ZBBX: variants seen among roughly 807,000 people sequenced by gnomAD.
ZBBX encodes the protein zinc finger B-box domain containing.
ZBBX carries 101 observed loss-of-function variants against 108.5 expected under a neutral mutation model. That is an observed-to-expected ratio of 0.93 (90% CI 0.79 to 1.10). The LOEUF is 1.10. ZBBX is among the 50% of genes least tolerant of loss of function. The pLI is 0.00. For missense variants in ZBBX, 1,009 were observed against 941.4 expected, an observed-to-expected ratio of 1.07 and a Z score of -0.94; for synonymous variants, 356 against 323.4, an observed-to-expected ratio of 1.10 and a Z score of -1.08.
chr3:167,306,697 C>A (rs1733708728), intron 16 of ZBBX, among the ~76,000 whole-genome samples: 1 of 152,118 alleles, frequency 6.6e-6, no homozygotes, highest in Admixed American at 6.5e-5. Context: ...TAGTGGGTAA[C>A]ACAGTAGTGA....
chr3:167,335,199 T>C (rs1295279508), intron 9 of ZBBX, among the ~76,000 whole-genome samples: 2 of 152,178 alleles, frequency 1.3e-5, no homozygotes, highest in African/African-American at 4.8e-5. Context: ...TATATTTTAA[T>C]GATTTTATGG....
chr3:167,226,082 TAA>T, the ZBBX span, among the ~76,000 whole-genome samples: 6 of 132,830 alleles, frequency 4.5e-5, no homozygotes, highest in Admixed American at 7.6e-5. Flanking sequence ...TGACTGTGAT[TAA>T]AAAAAAAAAA....
chr3:167,263,354 G>T lies in ZBBX; in HGVS notation c.2254+18884C>A, dbSNP rs190564287. On this transcript the variant is annotated intron_variant, in intron 20 of 21. Coordinates refer to ENST00000675490, the MANE Select transcript of ZBBX (RefSeq NM_001199201.2). ...TATTTTGTTTTTGTTTTTATTTCAT[G>T]TAGGCACATATTGCTACAATTTCTC... Among the ~76,000 whole-genome samples the T allele has an allele frequency of 6.1e-3, 934 of 152,244 alleles. 6 individuals carry two copies. Among genetic ancestry groups the T allele is most frequent in the African/African-American group, 0.022 (906 of 41,542 alleles).
intron 2 of ZBBX, among the ~76,000 whole-genome samples, chr3:167,375,363 G>A (rs1452644766): frequency 6.6e-6 from 1 of 152,056 alleles, no homozygotes; most frequent in Admixed American, 6.6e-5. Flanking sequence ...AGGCCAAGGT[G>A]GGCAGATGAC....
chr3:167,223,696 A>G, the ZBBX span, among the ~76,000 whole-genome samples: 91 of 152,072 alleles, frequency 6.0e-4, no homozygotes, highest in African/African-American at 2.0e-3. Flanking sequence ...CAACTTGGAA[A>G]TTCAGGCAAA....
intron 1 of ZBBX, among the ~76,000 whole-genome samples, chr3:167,387,644 G>A (rs182146811): frequency 2.0e-5 from 3 of 152,014 alleles, no homozygotes; most frequent in Non-Finnish European, 4.4e-5. Context: ...CGTGGAGAAA[G>A]AGAGAAGAGG....
At position 167,275,606 on chromosome 3, in the gene ZBBX, C is replaced by T. The variant is rs144703312; in HGVS notation, c.2254+6632G>A. 4.7e-3 allele frequency among the ~76,000 whole-genome samples: 714 copies of T among 152,298 alleles called. 8 individuals are homozygous for T. Among genetic ancestry groups the T allele is most frequent in the African/African-American group, 0.016 (680 of 41,574 alleles). On this transcript the variant is annotated intron_variant, in intron 20 of 21. Coordinates refer to ENST00000675490, the MANE Select transcript of ZBBX (RefSeq NM_001199201.2). ...AACGGCGCACCAGGAGATTATATCCCGCACATGGCTCGGAGGGTCCTACAC... is the reference window on the plus strand; with the variant it reads ...AACGGCGCACCAGGAGATTATATCCTGCACATGGCTCGGAGGGTCCTACAC...
chr3:167,275,416 G>A (rs1315136397), intron 20 of ZBBX, among the ~76,000 whole-genome samples: 2 of 152,144 alleles, frequency 1.3e-5, no homozygotes, highest in Non-Finnish European at 1.5e-5. Flanking sequence ...AGGTCAGTGG[G>A]TGCGCGCACT....
At chr3:167,356,865 G>A (rs1743663642) in intron 8 of ZBBX, among the ~76,000 whole-genome samples, 1 of 152,102 alleles carries the variant, frequency 6.6e-6, no homozygotes, top group Non-Finnish European at 1.5e-5. Flanking sequence ...ACTGGAGAGT[G>A]CAACTCAGCT....
chr3:167,185,710 T>C, the ZBBX span, among the ~76,000 whole-genome samples: 1 of 152,122 alleles, frequency 6.6e-6, no homozygotes, highest in East Asian at 1.9e-4. Flanking sequence ...GTTACATTTT[T>C]TCATTTTTCC....
At chr3:167,273,431 G>GCT (rs903242845) in intron 20 of ZBBX, among the ~76,000 whole-genome samples, 3 of 152,090 alleles carry the variant, frequency 2.0e-5, no homozygotes, top group African/African-American at 7.2e-5. Flanking sequence ...ATTGTGGCAA[G>GCT]CTCTCTCTCT....
At chr3:167,265,210 C>T (rs1231697073) in intron 20 of ZBBX, among the ~76,000 whole-genome samples, 1 of 152,202 alleles carries the variant, frequency 6.6e-6, no homozygotes, top group Non-Finnish European at 1.5e-5. Context: ...GAAGCCAGCA[C>T]ATCTTAGAGT....
At chr3:167,230,411 T>C in the ZBBX span, among the ~76,000 whole-genome samples, 72 of 151,786 alleles carry the variant, frequency 4.7e-4, no homozygotes, top group Middle Eastern at 6.8e-3. Flanking sequence ...AAGGCACTAG[T>C]AAAAAGGTGA....
the ZBBX span, among the ~76,000 whole-genome samples, chr3:167,219,512 A>C: frequency 6.6e-6 from 1 of 152,036 alleles, no homozygotes; most frequent in Non-Finnish European, 1.5e-5. Context: ...AAATTAAATG[A>C]TATGTTCCTT....
At chr3:167,244,424 G>A (rs1002591827) in intron 20 of ZBBX, among the ~76,000 whole-genome samples, 12 of 152,180 alleles carry the variant, frequency 7.9e-5, no homozygotes, top group Non-Finnish European at 1.5e-4. Context: ...ACCAGCAGGT[G>A]AGATATCCAA....
intron 20 of ZBBX, among the ~76,000 whole-genome samples, chr3:167,276,256 G>A (rs966692239): frequency 2.6e-5 from 4 of 152,224 alleles, no homozygotes; most frequent in Non-Finnish European, 5.9e-5. Context: ...ACTTTGACGA[G>A]CTGAGAGAAG....
chr3:167,195,508 T>C, the ZBBX span, among the ~76,000 whole-genome samples: 1 of 152,172 alleles, frequency 6.6e-6, no homozygotes, highest in Non-Finnish European at 1.5e-5. Context: ...ATTCAAGATG[T>C]GTAGCTGTGT....
chr3:167,242,367 C>T (rs891539963), intron 21 of ZBBX, 138 bp downstream of exon 21: 1 of 723,818 alleles, frequency 1.4e-6, no homozygotes, highest in South Asian at 3.4e-5. Flanking sequence ...GCAAAGGACC[C>T]AAACATTCTA....
At chr3:167,241,001 A>C in intron 21 of ZBBX, 82 bp from the exon 22 acceptor site, 2 of 1,485,316 alleles carry the variant, frequency 1.3e-6, no homozygotes, top group Admixed American at 1.9e-5. Flanking sequence ...AATACTACAT[A>C]TGTTGGAGTT....
Sources: gnomAD v4.1 joint callset for allele counts (sites outside exome capture counted in the v4.1 genomes callset) on GRCh38, gnomAD v4.1.1 for gene constraint, MANE v1.5 for transcripts, NCBI Gene and HGNC (gene_info 2026-07-23, HGNC 2026-07-21) for gene names.